The following SUPT7L variants were observed in gnomAD, a reference collection of about 807,000 sequenced individuals.
The protein encoded by SUPT7L is STAGA complex 65 subunit gamma.
A neutral mutation model predicts 35.7 loss-of-function variants in SUPT7L; 15 were observed. That is an observed-to-expected ratio of 0.42 (90% CI 0.28 to 0.65). The LOEUF is 0.65. Among genes scored for constraint, SUPT7L ranks in the 30% least tolerant of loss-of-function variants. The pLI, the probability that SUPT7L is intolerant of heterozygous loss-of-function variation, is 0.23. For synonymous variants in SUPT7L, 168 were observed against 186.2 expected (o/e 0.90, Z 0.79); for missense variants, 434 against 522.2 (o/e 0.83, Z 1.65).
intron 3 of SUPT7L, 92 bp downstream of exon 3, chr2:27,660,892 C>G (rs1330456179): frequency 6.9e-7 from 1 of 1,442,092 alleles, no homozygotes; most frequent in Non-Finnish European, 9.2e-7. Flanking sequence ...CCTCAGTTTC[C>G]TCGCATGAAA....
intron 1 of SUPT7L, among the ~76,000 whole-genome samples, chr2:27,662,954 T>TC (rs1675191578): frequency 7.2e-6 from 1 of 138,754 alleles, no homozygotes; most frequent in African/African-American, 2.7e-5. Flanking sequence ...TTTTTTCTTT[T>TC]TTTTTTTTTT....
chr2:27,655,334 G>C, intron 5 of SUPT7L, 31 bp downstream of exon 5: 1 of 1,503,384 alleles, frequency 6.7e-7, no homozygotes, highest in Non-Finnish European at 8.9e-7. Flanking sequence ...AGATCTCCCA[G>C]AATCAAAGTG....
chr2:27,662,951 T>C (rs1214534549), intron 1 of SUPT7L, among the ~76,000 whole-genome samples: 3 of 7,126 alleles, frequency 4.2e-4, no homozygotes, highest in African/African-American at 3.4e-3. Flanking sequence ...GGATTTTTTC[T>C]TTTTTTTTTT....
the SUPT7L span, among the ~76,000 whole-genome samples, chr2:27,642,970 C>T: frequency 5.4e-3 from 809 of 150,818 alleles, 4 homozygotes; most frequent in Admixed American, 6.8e-3. Context: ...CACACACACA[C>T]ACACACACAC....
chr2:27,662,352 T>C (rs185612238), intron 1 of SUPT7L, 71 bp from the exon 2 acceptor site: 15 of 759,886 alleles, frequency 2.0e-5, no homozygotes, highest in Non-Finnish European at 2.8e-5. Context: ...TCTAGAGGTA[T>C]ATGGACCTGG....
At chr2:27,649,089 C>CA (rs1184367085), downstream of SUPT7L, among the ~76,000 whole-genome samples, 2 of 151,648 alleles carry the variant, frequency 1.3e-5, no homozygotes, top group Non-Finnish European at 2.9e-5. Context: ...ACTACAAGTA[C>CA]AAAAAATTAG....
chr2:27,656,932 C>T (rs1203461235), intron 4 of SUPT7L, among the ~76,000 whole-genome samples: 1 of 152,204 alleles, frequency 6.6e-6, no homozygotes, highest in African/African-American at 2.4e-5. Context: ...TGCCATCATG[C>T]CCAGCTCCTG....
downstream of SUPT7L, chr2:27,650,157 T>C (rs1330181350): frequency 1.4e-5 from 23 of 1,608,384 alleles, no homozygotes; most frequent in Non-Finnish European, 2.0e-5. Context: ...CAGAATTTTA[T>C]GCAAGAATCG....
chr2:27,660,957 G>T, intron 3 of SUPT7L, 27 bp downstream of exon 3: 1 of 1,596,372 alleles, frequency 6.3e-7, no homozygotes, highest in South Asian at 1.1e-5. Flanking sequence ...CTTGAGAAAA[G>T]TAAGATACAG....
downstream of SUPT7L, chr2:27,648,075 C>T (rs1359591237): frequency 1.6e-6 from 1 of 631,768 alleles, no homozygotes; most frequent in East Asian, 2.8e-5. Flanking sequence ...AAAAGAGTTT[C>T]CTATATTGAG....
chr2:27,649,220 C>T (rs78231588), downstream of SUPT7L, among the ~76,000 whole-genome samples: 1,349 of 150,804 alleles, frequency 8.9e-3, 19 homozygotes, highest in African/African-American at 0.03. Context: ...ACTCAGGCCT[C>T]GGTAACAAGA....
rs528163689 is a variant in SUPT7L, at chr2:27,663,596, G to T, written c.-357C>A. 9.7e-4 allele frequency: 650 copies of T among 667,800 alleles called. 7 individuals carry two copies. In the South Asian group the frequency reaches 0.012, roughly 12 times the overall value. 41.4% of individuals were successfully genotyped at this position (667,800 alleles called of 1,614,324 possible). A position where few individuals can be genotyped will look rare whatever the true frequency, so the allele number is the denominator to read the frequency against. ...GGATCGCGTCAGACCCCGAAAGCTGGTTTGTTGATTAGTGATCTAAGACCG... is the reference window on the plus strand; with the variant it reads ...GGATCGCGTCAGACCCCGAAAGCTGTTTTGTTGATTAGTGATCTAAGACCG... On this transcript the variant is annotated 5_prime_UTR_variant, in exon 1 of 6. Transcript: ENST00000337768.
At chr2:27,653,784 A>T in intron 5 of SUPT7L, 37 bp from the exon 6 acceptor site, 1 of 1,612,912 alleles carries the variant, frequency 6.2e-7, no homozygotes, top group Non-Finnish European at 8.5e-7. Context: ...CACCAAGTGT[A>T]TATGTGTAGC....
chr2:27,662,402 G>C (rs2148124776), intron 1 of SUPT7L, 121 bp from the exon 2 acceptor site: 1 of 542,888 alleles, frequency 1.8e-6, no homozygotes, highest in East Asian at 3.0e-5. Flanking sequence ...TGGGTGAAAT[G>C]ACTACCTTTG....
the SUPT7L span, among the ~76,000 whole-genome samples, chr2:27,644,870 G>A: frequency 6.6e-6 from 1 of 151,412 alleles, no homozygotes; most frequent in Admixed American, 6.6e-5. Context: ...GAGATGCTAC[G>A]TGTATAATGT....
downstream of SUPT7L, chr2:27,647,748 C>A: frequency 1.3e-6 from 1 of 762,304 alleles, no homozygotes; most frequent in South Asian, 1.5e-5. Context: ...TGAGCACTTT[C>A]ATCCTGCCAG....
rs371963489 is a variant in SUPT7L, at chr2:27,653,734, A to G, written c.996T>C (p.Asn332=). 1 of 1,614,226 alleles carries G rather than the reference A, an allele frequency of 6.2e-7. No homozygotes were observed. The highest frequency in any genetic ancestry group is 8.5e-7 in the Non-Finnish European group (1 of 1,180,046). ...ASPQASSAEV[N]ASPLWNLAHV... is the part of the protein sequence containing the mutation. ...GGGCCAGATTCCAAAGAGGAGAAGC[A>G]TTTACCTCTGCACCTAGAAACAGAG... The change falls in exon 6 of 6, where the codon AAT becomes AAC. Residue 332 remains asparagine, a synonymous_variant. Coordinates refer to ENST00000337768, the MANE Select transcript of SUPT7L (RefSeq NM_014860.3).
downstream of SUPT7L, chr2:27,650,322 A>C: frequency 1.8e-6 from 1 of 559,632 alleles, no homozygotes; most frequent in East Asian, 3.0e-5. Context: ...AGAGTAGCAA[A>C]GTTTCTCTTA....
At position 27,657,656 on chromosome 2, in the gene SUPT7L, GT is replaced by G; in HGVS notation, c.432del (p.Glu144AspfsTer3). On this transcript the variant is annotated frameshift_variant, in exon 4 of 6. Coordinates refer to ENST00000337768, the MANE Select transcript of SUPT7L (RefSeq NM_014860.3). LOFTEE classifies it high-confidence loss of function. The surrounding 1 kb of genome is among the most constrained non-coding windows in gnomAD (Gnocchi z 5.2). ...PESDFYRGKG[E>X]PVTELSWHSC... ...GAGTGCCAGCTGAGTTCAGTCACAG[GT>G]TCCCCTTTCCCACTGAAAGTGGAGA... 1 of 1,611,906 alleles carries G rather than the reference GT, an allele frequency of 6.2e-7. No individual in the cohort carries two copies. The highest frequency in any genetic ancestry group is 8.5e-7 in the Non-Finnish European group (1 of 1,178,446).
Sources: gnomAD v4.1 joint callset for allele counts (sites outside exome capture counted in the v4.1 genomes callset) on GRCh38, gnomAD v4.1.1 for gene constraint, Gnocchi (gnomAD v3.1) non-coding constraint, MANE v1.5 for transcripts, NCBI Gene and HGNC (gene_info 2026-07-23, HGNC 2026-07-21) for gene names.